FRMD3: variants seen among roughly 807,000 people sequenced by gnomAD.
FRMD3 encodes the protein FERM domain-containing protein 3.
FRMD3 carries 33 observed loss-of-function variants against 70.2 expected under a neutral mutation model. The ratio of observed to expected loss-of-function variants is 0.47; its 90% CI spans 0.36 to 0.63. The LOEUF (loss-of-function observed/expected upper bound fraction) is 0.63. Ranked by LOEUF, FRMD3 falls within the 20% of genes least tolerant of loss-of-function variation. The probability of loss-of-function intolerance (pLI) is 0.00; values close to 1 mark genes in which losing one functional copy is unlikely to be tolerated. For missense variants in FRMD3, 632 were observed against 711.4 expected, an observed-to-expected ratio of 0.89 and a Z score of 1.27; for synonymous variants, 279 against 255.9, an observed-to-expected ratio of 1.09 and a Z score of -0.86.
intron 1 of FRMD3, among the ~76,000 whole-genome samples, chr9:83,412,955 A>C (rs1439861646): frequency 6.6e-6 from 1 of 152,168 alleles, no homozygotes; most frequent in Admixed American, 6.6e-5. Flanking sequence ...AGATCATGCC[A>C]CTGCATTTAG....
At chr9:83,292,947 A>G (rs936916336) in intron 12 of FRMD3, among the ~76,000 whole-genome samples, 1 of 152,212 alleles carries the variant, frequency 6.6e-6, no homozygotes, top group African/African-American at 2.4e-5. Context: ...GCCCAGCCAC[A>G]TGACTCCTTT....
At position 83,491,265 on chromosome 9, in the gene FRMD3, G is replaced by T. The variant is rs1828818463; in HGVS notation, c.147+46820C>A. Among the ~76,000 whole-genome samples, 4 of 152,222 alleles carry T rather than the reference G, an allele frequency of 2.6e-5. No individual in the cohort carries two copies. The South Asian group carries it at 8.3e-4, about 32-fold the overall frequency. On this transcript the variant is annotated intron_variant, in intron 1 of 13. Coordinates refer to ENST00000304195, the MANE Select transcript of FRMD3 (RefSeq NM_174938.6). ...TAATTCGTTTTCTGTTCCACTATGG[G>T]TGTGTAAGAAGGAAGGGTTGCAATA... is the stretch of plus-strand genomic sequence containing the variant.
chr9:83,563,601 C>T, the FRMD3 span, among the ~76,000 whole-genome samples: 17 of 152,112 alleles, frequency 1.1e-4, no homozygotes, highest in Admixed American at 1.1e-3. Context: ...CTCTTAACAC[C>T]TCCCACTCCC....
At chr9:83,376,931 A>G (rs1301639539) in intron 2 of FRMD3, among the ~76,000 whole-genome samples, 1 of 148,572 alleles carries the variant, frequency 6.7e-6, no homozygotes, top group Non-Finnish European at 1.5e-5. Context: ...GGGGTGCCCA[A>G]CCGGCACCCG....
intron 1 of FRMD3, among the ~76,000 whole-genome samples, chr9:83,406,214 C>G (rs1040087430): frequency 1.3e-5 from 2 of 152,180 alleles, no homozygotes; most frequent in Admixed American, 6.5e-5. Context: ...ATCTTCCCTG[C>G]TTTCCCCTCC....
At chr9:83,270,678 C>G (rs1252773098) in intron 13 of FRMD3, among the ~76,000 whole-genome samples, 1 of 152,194 alleles carries the variant, frequency 6.6e-6, no homozygotes, top group Non-Finnish European at 1.5e-5. Flanking sequence ...CCTCAGTTTC[C>G]ACATCTGTAA....
chr9:83,456,284 G>C (rs1827813801), intron 1 of FRMD3, among the ~76,000 whole-genome samples: 1 of 152,130 alleles, frequency 6.6e-6, no homozygotes, highest in African/African-American at 2.4e-5. Context: ...CATTGTATAG[G>C]TGTGCCATGC....
At chr9:83,304,909 T>G (rs1312024745) in intron 10 of FRMD3, among the ~76,000 whole-genome samples, 1 of 152,038 alleles carries the variant, frequency 6.6e-6, no homozygotes, top group Non-Finnish European at 1.5e-5. Flanking sequence ...AAAATCAGAG[T>G]TTCTGCGTCT....
At chr9:83,269,641 G>A (rs995719864) in intron 13 of FRMD3, among the ~76,000 whole-genome samples, 3 of 151,354 alleles carry the variant, frequency 2.0e-5, no homozygotes, top group African/African-American at 7.3e-5. Flanking sequence ...CCCGGGAGGC[G>A]GAGGTTGCAG....
Position 83,397,693 on chromosome 9 carries a change from A to T in FRMD3, c.148-7985T>A, listed in dbSNP as rs192992571. Among the ~76,000 whole-genome samples the T allele has an allele frequency of 1.5e-4, 23 of 152,242 alleles. No individual in the cohort carries two copies. The East Asian group carries it at 4.1e-3, about 27-fold the overall frequency. On this transcript the variant is annotated intron_variant, in intron 1 of 13. Transcript: ENST00000304195. ...ATGAGGGTTGTGAGGTTCTTGTTCA[A>T]AGGGCTCTGTTGCTTGGCACCTTAT...
intron 10 of FRMD3, among the ~76,000 whole-genome samples, chr9:83,299,904 G>A (rs570161990): frequency 1.3e-5 from 2 of 152,360 alleles, no homozygotes; most frequent in South Asian, 4.1e-4. Context: ...TGGGCTGCCG[G>A]AAGGCTGCAC....
At chr9:83,428,437 T>C (rs11140084) in intron 1 of FRMD3, among the ~76,000 whole-genome samples, 7,299 of 151,696 alleles carry the variant, frequency 0.048, 238 homozygotes, top group African/African-American at 0.085. Flanking sequence ...CTGGAAACAA[T>C]TCACACATCC....
At chr9:83,351,464 C>T (rs1824155995) in intron 3 of FRMD3, among the ~76,000 whole-genome samples, 1 of 151,572 alleles carries the variant, frequency 6.6e-6, no homozygotes, top group Admixed American at 6.6e-5. Context: ...AAGAAAAGAA[C>T]CTTTTTTTTT....
the FRMD3 span, among the ~76,000 whole-genome samples, chr9:83,557,527 G>T: frequency 6.6e-6 from 1 of 152,166 alleles, no homozygotes; most frequent in Non-Finnish European, 1.5e-5. Context: ...CAGATAACAG[G>T]ATTAGCAGAC....
chr9:83,555,133 C>T, the FRMD3 span, among the ~76,000 whole-genome samples: 16 of 152,306 alleles, frequency 1.1e-4, no homozygotes, highest in South Asian at 1.2e-3. Context: ...AATCTGGCCA[C>T]GTTTTGGTAG....
chr9:83,351,323 TACAC>T (rs56407249), intron 3 of FRMD3, among the ~76,000 whole-genome samples: 1,846 of 143,864 alleles, frequency 0.013, 32 homozygotes, highest in African/African-American at 0.043. Context: ...AAACTGATCA[TACAC>T]ACACACACAC....
chr9:83,537,120 G>T lies in FRMD3; in HGVS notation c.147+965C>A, dbSNP rs1018925369. Among the ~76,000 whole-genome samples the T allele has an allele frequency of 6.6e-6, 1 of 151,972 alleles. No individual in the cohort carries two copies. Among genetic ancestry groups the T allele is most frequent in the African/African-American group, 2.4e-5 (1 of 41,358 alleles). On this transcript the variant is annotated intron_variant, in intron 1 of 13. Coordinates refer to ENST00000304195, the MANE Select transcript of FRMD3 (RefSeq NM_174938.6). This position sits in a 1 kb window ranked among gnomAD's most constrained non-coding sequence, Gnocchi z 4.1. ...GGGGCATCTTTGGGGTCCTGGAAGA[G>T]GGGCTCCCACCTGCCTACATATTCA...
chr9:83,295,200 C>T (rs1345382702), intron 12 of FRMD3, among the ~76,000 whole-genome samples: 3 of 152,070 alleles, frequency 2.0e-5, no homozygotes, highest in Non-Finnish European at 2.9e-5. Context: ...TATATTTATC[C>T]CATTTGTTTT....
At chr9:83,483,695 C>CA in intron 1 of FRMD3, among the ~76,000 whole-genome samples, 1 of 152,036 alleles carries the variant, frequency 6.6e-6, no homozygotes, top group Non-Finnish European at 1.5e-5. Context: ...CCCATCACTA[C>CA]AAAAAATTAG....
Sources: allele counts gnomAD v4.1 joint callset (sites outside exome capture counted in the v4.1 genomes callset), GRCh38; gene constraint gnomAD v4.1.1; non-coding constraint Gnocchi (gnomAD v3.1); transcripts MANE v1.5; gene names NCBI Gene and HGNC (gene_info 2026-07-23, HGNC 2026-07-21).